Variants in DDX10 observed in about 807,000 individuals in gnomAD.
The protein encoded by DDX10 is probable ATP-dependent RNA helicase DDX10.
A neutral mutation model predicts 104.3 loss-of-function variants in DDX10; 74 were observed. The ratio of observed to expected loss-of-function variants is 0.71; its 90% confidence interval spans 0.59 to 0.86. DDX10 has a LOEUF of 0.86. Among genes scored for constraint, DDX10 ranks in the 40% least tolerant of loss-of-function variants. DDX10 has a pLI of 0.00. For missense variants in DDX10, 952 were observed against 1,040.0 expected (o/e 0.92, Z 1.16); for synonymous variants, 351 against 353.4 (o/e 0.99, Z 0.08).
At chr11:108,811,383 A>G (rs1413455117) in intron 13 of DDX10, among the ~76,000 whole-genome samples, 2 of 152,168 alleles carry the variant, frequency 1.3e-5, no homozygotes, top group Non-Finnish European at 2.9e-5. Context: ...CTAGACTTCT[A>G]AAAGGATCAT....
intron 16 of DDX10, among the ~76,000 whole-genome samples, chr11:108,871,805 G>A (rs899010357): frequency 4.6e-5 from 7 of 152,118 alleles, no homozygotes; most frequent in African/African-American, 1.7e-4. Context: ...TCACATGCCT[G>A]TAATGCCAGA....
intron 1 of DDX10, among the ~76,000 whole-genome samples, chr11:108,669,541 C>T (rs1341914632): frequency 1.3e-5 from 2 of 152,108 alleles, no homozygotes; most frequent in South Asian, 2.1e-4. Context: ...TGGATGCATT[C>T]CTGAGTTGGC....
chr11:108,722,883 A>C (rs1018834050), intron 12 of DDX10, 114 bp from the exon 13 acceptor site: 1 of 1,430,058 alleles, frequency 7.0e-7, no homozygotes, highest in Non-Finnish European at 9.2e-7. Flanking sequence ...TCTCACAGGA[A>C]CATTTTCTTT....
intron 17 of DDX10, among the ~76,000 whole-genome samples, chr11:108,926,806 G>A (rs1189344712): frequency 6.6e-6 from 1 of 152,136 alleles, no homozygotes; most frequent in Non-Finnish European, 1.5e-5. Flanking sequence ...ATACCAAAGT[G>A]CCAGTACTTT....
intron 15 of DDX10, among the ~76,000 whole-genome samples, chr11:108,841,943 T>G (rs1302990944): frequency 6.6e-6 from 1 of 152,246 alleles, no homozygotes. Context: ...GTTCCTTTTA[T>G]TACTAAGTAA....
chr11:108,865,090 A>G (rs1290831687), intron 16 of DDX10, among the ~76,000 whole-genome samples: 3 of 152,202 alleles, frequency 2.0e-5, no homozygotes, highest in Non-Finnish European at 4.4e-5. Context: ...CTTGACGGGT[A>G]TACCTGTAAA....
chr11:108,859,365 C>T (rs747193752), intron 16 of DDX10, among the ~76,000 whole-genome samples: 1 of 152,044 alleles, frequency 6.6e-6, no homozygotes, highest in East Asian at 1.9e-4. Flanking sequence ...AGTCAGAATA[C>T]TGTTTCTTTT....
chr11:108,677,690 T>A (rs1405477976), intron 4 of DDX10, among the ~76,000 whole-genome samples: 2 of 148,850 alleles, frequency 1.3e-5, no homozygotes, highest in Non-Finnish European at 3.0e-5. Context: ...TTTTGTTCTA[T>A]CTTATAGCAC....
intron 16 of DDX10, among the ~76,000 whole-genome samples, chr11:108,898,660 GA>G (rs754676674): frequency 0.059 from 6,141 of 104,702 alleles, 382 homozygotes; most frequent in African/African-American, 0.18. Flanking sequence ...AAATTTTGGA[GA>G]AAAAAAAAAA....
chr11:108,926,320 T>A (rs1424201818), intron 17 of DDX10, among the ~76,000 whole-genome samples: 1 of 151,864 alleles, frequency 6.6e-6, no homozygotes, highest in African/African-American at 2.4e-5. Context: ...GGATGATTTA[T>A]GACGAGAAAA....
At chr11:108,905,937 A>C (rs1403451913) in intron 16 of DDX10, among the ~76,000 whole-genome samples, 1 of 152,184 alleles carries the variant, frequency 6.6e-6, no homozygotes, top group Non-Finnish European at 1.5e-5. Flanking sequence ...GACAGTACCA[A>C]GGGGATGGTA....
intron 1 of DDX10, among the ~76,000 whole-genome samples, chr11:108,668,389 C>A (rs769090180): frequency 1.2e-4 from 18 of 152,112 alleles, no homozygotes; most frequent in Non-Finnish European, 2.5e-4. Context: ...CTTTTTCCCC[C>A]GCTAAGCATT....
chr11:108,810,675 G>A (rs1382894961), intron 13 of DDX10, among the ~76,000 whole-genome samples: 11 of 152,046 alleles, frequency 7.2e-5, no homozygotes, highest in South Asian at 4.1e-4. Context: ...GGTTTGCTTC[G>A]GATTAGTCCC....
intron 13 of DDX10, among the ~76,000 whole-genome samples, chr11:108,745,133 TC>T (rs1306499463): frequency 8.6e-6 from 1 of 116,132 alleles, no homozygotes; most frequent in Non-Finnish European, 1.7e-5. Flanking sequence ...CTTCCCCTTC[TC>T]CCTTCTCCTT....
intron 9 of DDX10, among the ~76,000 whole-genome samples, chr11:108,695,674 T>G (rs1297670262): frequency 1.3e-5 from 2 of 152,196 alleles, no homozygotes; most frequent in Non-Finnish European, 2.9e-5. Context: ...AAGGTTTTTA[T>G]GTCTTTTTAT....
At chr11:108,905,614 A>G (rs1863586095) in intron 16 of DDX10, among the ~76,000 whole-genome samples, 1 of 152,054 alleles carries the variant, frequency 6.6e-6, no homozygotes, top group Non-Finnish European at 1.5e-5. Context: ...TATTTTTTGT[A>G]GCGATGTGTG....
rs12282255 is a variant in DDX10 at position 108,869,958 on chromosome 11, T to C, written c.2304+17749T>C. Among the ~76,000 whole-genome samples the C allele has an allele frequency of 2.1e-3, 324 of 152,224 alleles. 2 individuals carry two copies. The highest frequency in any genetic ancestry group is 7.3e-3 in the African/African-American group (303 of 41,540). ...ATCCTATTTGACTTTATCTTAAAAG[T>C]AGATGAGAAAATTTGGTGAAGTCCA... On this transcript the variant is annotated intron_variant, in intron 16 of 17. Coordinates refer to ENST00000322536, the MANE Select transcript of DDX10 (RefSeq NM_004398.4).
At chr11:108,682,067 A>G (rs976542972) in intron 6 of DDX10, among the ~76,000 whole-genome samples, 3 of 151,928 alleles carry the variant, frequency 2.0e-5, no homozygotes, top group Non-Finnish European at 4.4e-5. Flanking sequence ...TCATTTTATA[A>G]AATGTTTCTT....
chr11:108,688,941 C>T lies in DDX10; in HGVS notation c.854C>T (p.Pro285Leu), dbSNP rs2094248253. ...WVHEKAKYST[P>L]ATLEQNYIVC... Reference sequence around the variant, plus strand: ...CTTTTCCGTAATTCCACAAGCACCCCTGCCACTTTGGAACAGAACTACATA... The same window carrying T: ...CTTTTCCGTAATTCCACAAGCACCCTTGCCACTTTGGAACAGAACTACATA... Residue 285 changes from proline to leucine, a missense_variant, in exon 7 of 18, where the codon CCT (proline) becomes CTT (leucine). Pro to Leu is a moderately conservative substitution (Grantham distance 98). This residue lies in a region of DDX10 where 412 missense variants were observed against 479.2 expected (regional missense o/e 0.86). Coordinates refer to ENST00000322536, the MANE Select transcript of DDX10 (RefSeq NM_004398.4). 6.2e-7 allele frequency: 1 copy of T among 1,611,760 alleles called. No homozygotes were observed. Among genetic ancestry groups the T allele is most frequent in the Admixed American group, 1.7e-5 (1 of 59,886 alleles).
Sources: allele counts gnomAD v4.1 joint callset (sites outside exome capture counted in the v4.1 genomes callset), GRCh38; gene constraint gnomAD v4.1.1; regional missense constraint gnomAD v4.1.1; transcripts MANE v1.5; gene names NCBI Gene and HGNC (gene_info 2026-07-23, HGNC 2026-07-21).